BICRA: variants seen among roughly 807,000 people sequenced by gnomAD.
BICRA encodes the protein BRD4 interacting chromatin remodeling complex associated protein.
A neutral mutation model predicts 96.9 loss-of-function variants in BICRA; 31 were observed. That is an observed-to-expected ratio of 0.32 (90% confidence interval 0.24 to 0.43). The LOEUF (loss-of-function observed/expected upper bound fraction) is 0.43. BICRA is among the 20% of genes least tolerant of loss of function. The pLI, the probability that BICRA is intolerant of heterozygous loss-of-function variation, is 1.00. For missense variants in BICRA, 2,283 were observed against 2,190.3 expected, an observed-to-expected ratio of 1.04 and a Z score of -0.84; for synonymous variants, 1,350 against 1,071.8, an observed-to-expected ratio of 1.26 and a Z score of -5.07.
rs1488053358 is a variant in BICRA, at chr19:47,685,854, C to T, written c.2283+3702C>T. On this transcript the variant is annotated intron_variant, in intron 7 of 14. Transcript: ENST00000594866. Reference sequence around the variant, plus strand: ...CAAACAGAAATGCAAAGACTGTGTTCTGCATCTGGCTTTGCTTATTTAGCA... The same window carrying T: ...CAAACAGAAATGCAAAGACTGTGTTTTGCATCTGGCTTTGCTTATTTAGCA... Among the ~76,000 whole-genome samples, 4 of 151,036 alleles carry T rather than the reference C, an allele frequency of 2.6e-5. No individual in the cohort carries two copies. The East Asian group carries it at 5.9e-4, about 22-fold the overall frequency.
At chr19:47,608,996 C>T (rs1232792260), upstream of BICRA, 1 of 142,326 alleles carries the variant, frequency 7.0e-6, no homozygotes, top group Non-Finnish European at 1.6e-5. Context: ...CCGGGGCGCG[C>T]GGGCCTGGGC....
In BICRA at chr19:47,634,480, C is replaced by G. The variant is rs74659248; in HGVS notation, c.-108+25312C>G. 3.7e-3 allele frequency among the ~76,000 whole-genome samples: 562 copies of G among 152,260 alleles called. 3 individuals are homozygous for G. The highest frequency in any genetic ancestry group is 6.0e-3 in the Non-Finnish European group (410 of 68,026). Reference sequence around the variant, plus strand: ...AGAAGGGGTTTCACTCACTTTCTCTCCCCCTTGATCACTGGCACGCTGTCT... The same window carrying G: ...AGAAGGGGTTTCACTCACTTTCTCTGCCCCTTGATCACTGGCACGCTGTCT... On this transcript the variant is annotated intron_variant, in intron 1 of 14. Coordinates refer to ENST00000594866, the MANE Select transcript of BICRA (RefSeq NM_001394372.1).
chr19:47,666,518 C>T (rs1393163180), intron 1 of BICRA, among the ~76,000 whole-genome samples: 1 of 152,034 alleles, frequency 6.6e-6, no homozygotes, highest in Non-Finnish European at 1.5e-5. Flanking sequence ...CTCAGTTGAT[C>T]CTCCCACCCC....
Position 47,682,061 on chromosome 19 carries a change from A to AAGACCCAGCCCC in BICRA, c.2195_2206dup (p.Asp732_Pro735dup), listed in dbSNP as rs534589113. 525 of 1,304,160 alleles carry AAGACCCAGCCCC rather than the reference A, an allele frequency of 4.0e-4. 5 individuals are homozygous for AAGACCCAGCCCC. The South Asian group carries it at 5.6e-3, about 14-fold the overall frequency. 80.8% of individuals were successfully genotyped at this position (1,304,160 alleles called of 1,614,324 possible). A position where few individuals can be genotyped will look rare whatever the true frequency, so the allele number is the denominator to read the frequency against. On this transcript the variant is annotated inframe_insertion, in exon 7 of 15. Transcript: ENST00000594866. Reference sequence around the variant, plus strand: ...ATAGTCAGCGCCCCGCCTCCCGCCCAAGACCCAGCCCCAGCCACCCCCGTC... The same window carrying AAGACCCAGCCCC: ...ATAGTCAGCGCCCCGCCTCCCGCCCAAGACCCAGCCCCAGACCCAGCCCCAGCCACCCCCGTC...
chr19:47,616,463 C>T (rs574631010), intron 1 of BICRA, among the ~76,000 whole-genome samples: 3 of 152,128 alleles, frequency 2.0e-5, no homozygotes, highest in South Asian at 2.1e-4. Context: ...ATGGTGAAGC[C>T]CTGTCTCTAC....
chr19:47,617,211 A>G (rs1971998350), intron 1 of BICRA, among the ~76,000 whole-genome samples: 1 of 152,142 alleles, frequency 6.6e-6, no homozygotes, highest in East Asian at 1.9e-4. Flanking sequence ...TCTGGGCTCA[A>G]CAGTCCTCCG....
intron 4 of BICRA, 133 bp downstream of exon 4, chr19:47,673,895 T>TAGA: frequency 1.3e-6 from 1 of 791,986 alleles, no homozygotes; most frequent in Non-Finnish European, 2.2e-6. Context: ...GCACTGGAGT[T>TAGA]ACGGCCATGA....
Position 47,679,941 on chromosome 19 carries a change from G to A in BICRA, c.771G>A (p.Val257=), listed in dbSNP as rs943448526. ...TPTSQLLAKQ[V]PVSGYLASAA... ...CCTCCCAGCTCCTGGCCAAGCAGGT[G>A]CCCGTCAGCGGCTACCTGGCCTCGG... Residue 257 remains valine (V), a synonymous_variant, in exon 6 of 15, where the codon GTG becomes GTA. Transcript: ENST00000594866. The A allele has an allele frequency of 1.1e-5, 17 of 1,508,652 alleles. No homozygotes were observed. The highest frequency in any genetic ancestry group is 1.4e-5 in the African/African-American group (1 of 70,496). 93.5% of individuals were successfully genotyped at this position (1,508,652 alleles called of 1,614,324 possible).
chr19:47,694,083 G>GCCCCCCCCCCCCCCCCCCCCC, intron 7 of BICRA, 32 bp from the exon 8 acceptor site: 1 of 1,093,876 alleles, frequency 9.1e-7, no homozygotes, highest in Non-Finnish European at 1.2e-6. Context: ...TCTGACCCCC[G>GCCCCCCCCCCCCCCCCCCCCC]CCCCTCCCCT....
intron 1 of BICRA, among the ~76,000 whole-genome samples, chr19:47,649,102 C>G (rs777280658): frequency 6.6e-6 from 1 of 152,046 alleles, no homozygotes; most frequent in Non-Finnish European, 1.5e-5. Flanking sequence ...CTGCCTGCCT[C>G]GGCATCCCAA....
chr19:47,675,868 C>T lies in BICRA; in HGVS notation c.102C>T (p.Leu34=), dbSNP rs187227564. Residue 34 remains leucine (L), a synonymous_variant, in exon 5 of 15, where the codon CTC becomes CTT. Coordinates refer to ENST00000594866, the MANE Select transcript of BICRA (RefSeq NM_001394372.1). This position sits in a 1 kb window ranked among gnomAD's most constrained non-coding sequence, Gnocchi z 4.7. Reference sequence around the variant, plus strand: ...TGTTGCAGCTTGACAGTGATGACCTCCTGGATAATCCCGGGGAGGCCCAAA... The same window carrying T: ...TGTTGCAGCTTGACAGTGATGACCTTCTGGATAATCCCGGGGAGGCCCAAA... The part of the protein sequence containing the change: ...HGSEKLDSDD[L]LDNPGEAQSA... 3.6e-3 allele frequency: 5,738 copies of T among 1,608,042 alleles called. 18 individuals carry two copies. The highest frequency in any genetic ancestry group is 3.7e-3 in the Non-Finnish European group (4,315 of 1,176,876).
Position 47,701,315 on chromosome 19 carries a change from C to T in BICRA, c.3596-13C>T, listed in dbSNP as rs1315796886. On this transcript the variant is annotated splice_polypyrimidine_tract_variant and intron_variant, in intron 14 of 14. Transcript: ENST00000594866. The surrounding 1 kb of genome is among the most constrained non-coding windows in gnomAD (Gnocchi z 5.4). ...TCCTAACCCCGCGGGTTTTCTTTGC[C>T]CCGATTCTGCAGACGAGTACGTGTC... 6.2e-7 allele frequency: 1 copy of T among 1,604,334 alleles called. No homozygotes were observed. The highest frequency in any genetic ancestry group is 8.5e-7 in the Non-Finnish European group (1 of 1,175,436).
chr19:47,631,679 A>G (rs1167150914), intron 1 of BICRA, among the ~76,000 whole-genome samples: 2 of 151,880 alleles, frequency 1.3e-5, no homozygotes, highest in Admixed American at 6.6e-5. Context: ...TATGTTTATT[A>G]TAATTATTGG....
chr19:47,616,953 C>T (rs559034351), intron 1 of BICRA, among the ~76,000 whole-genome samples: 33 of 152,000 alleles, frequency 2.2e-4, no homozygotes, highest in African/African-American at 7.2e-4. Context: ...CTCAGCCTCC[C>T]GAGTAGCTAT....
intron 1 of BICRA, among the ~76,000 whole-genome samples, chr19:47,669,104 A>G (rs1189209077): frequency 1.3e-5 from 2 of 151,542 alleles, no homozygotes; most frequent in African/African-American, 4.8e-5. Flanking sequence ...ACTCACACAC[A>G]CAAAAAAATA....
At chr19:47,658,032 T>C (rs1473723561) in intron 1 of BICRA, among the ~76,000 whole-genome samples, 1 of 152,090 alleles carries the variant, frequency 6.6e-6, no homozygotes, top group African/African-American at 2.4e-5. Context: ...TCATTGTCAT[T>C]ATATTCATAG....
In BICRA at chr19:47,702,228, A is replaced by T; in HGVS notation, c.4496A>T (p.Glu1499Val). The change falls in exon 15 of 15, where the codon GAG becomes GTG. Residue 1499 changes from glutamate to valine, a missense_variant. Physicochemically the swap from Glu to Val is moderately radical, Grantham distance 121. Coordinates refer to ENST00000594866, the MANE Select transcript of BICRA (RefSeq NM_001394372.1). ...AGCCCGCAGGATGACACGCTCACCG[A>T]GCACCTGCAGAGCGCCATCGACAGC... is the stretch of plus-strand genomic sequence containing the variant. Reference protein sequence around the residue: ...SDSPQDDTLTEHLQSAIDSIL... With the variant: ...SDSPQDDTLTVHLQSAIDSIL... 1 of 1,599,104 alleles carries T rather than the reference A, an allele frequency of 6.3e-7. No homozygotes were observed. Among genetic ancestry groups the T allele is most frequent in the Admixed American group, 1.7e-5 (1 of 59,720 alleles).
At chr19:47,633,153 T>A (rs1038265030) in intron 1 of BICRA, among the ~76,000 whole-genome samples, 2 of 144,358 alleles carry the variant, frequency 1.4e-5, no homozygotes, top group African/African-American at 5.1e-5. Flanking sequence ...CGATCTCAGC[T>A]CACTGCAACC....
At chr19:47,696,534 G>T (rs527872680) in intron 11 of BICRA, 22 bp downstream of exon 11, 1 of 1,585,832 alleles carries the variant, frequency 6.3e-7, no homozygotes, top group Non-Finnish European at 8.6e-7. Flanking sequence ...CCCCATCCTT[G>T]CATGCCTGCC....
Sources: allele counts gnomAD v4.1 joint callset (sites outside exome capture counted in the v4.1 genomes callset), GRCh38; gene constraint gnomAD v4.1.1; non-coding constraint Gnocchi (gnomAD v3.1); transcripts MANE v1.5; gene names NCBI Gene and HGNC (gene_info 2026-07-23, HGNC 2026-07-21).